Variants in CPQ observed in about 807,000 individuals in gnomAD.
CPQ encodes the protein Ser-Met dipeptidase.
Under a neutral mutation model 45.7 loss-of-function variants are expected in CPQ, and 37 were observed. The ratio of observed to expected loss-of-function variants is 0.81; its 90% CI spans 0.62 to 1.07. The LOEUF is 1.07. Ranked by LOEUF, CPQ falls within the 50% of genes least tolerant of loss-of-function variation. The pLI, the probability that CPQ is intolerant of heterozygous loss-of-function variation, is 0.00. For missense variants in CPQ, 537 were observed against 572.9 expected, an observed-to-expected ratio of 0.94 and a Z score of 0.64; for synonymous variants, 186 against 205.8, an observed-to-expected ratio of 0.90 and a Z score of 0.82.
chr8:97,051,114 A>C (rs1188238124), intron 6 of CPQ, among the ~76,000 whole-genome samples: 1 of 152,160 alleles, frequency 6.6e-6, no homozygotes, highest in Non-Finnish European at 1.5e-5. Context: ...TAATAATAAC[A>C]CTATGAATGA....
At chr8:97,097,940 G>A (rs902955915) in intron 7 of CPQ, among the ~76,000 whole-genome samples, 7 of 152,156 alleles carry the variant, frequency 4.6e-5, no homozygotes, top group Admixed American at 6.5e-5. Context: ...AAGTGCAAGG[G>A]GAGCCAGGAA....
chr8:96,688,873 A>G (rs1012775146), intron 1 of CPQ, among the ~76,000 whole-genome samples: 1 of 152,158 alleles, frequency 6.6e-6, no homozygotes, highest in Non-Finnish European at 1.5e-5. Context: ...ATAAGTCCAG[A>G]AGTAGGATAG....
intron 4 of CPQ, among the ~76,000 whole-genome samples, chr8:96,907,738 T>G (rs1812597104): frequency 6.6e-6 from 1 of 152,090 alleles, no homozygotes; most frequent in Non-Finnish European, 1.5e-5. Flanking sequence ...CTGGGCAATG[T>G]GGATGCTGGT....
intron 2 of CPQ, among the ~76,000 whole-genome samples, chr8:96,793,950 C>T (rs759105031): frequency 4.6e-5 from 7 of 152,182 alleles, no homozygotes; most frequent in East Asian, 3.9e-4. Flanking sequence ...TGGGTTGCCA[C>T]GGTCTTGGGC....
intron 1 of CPQ, among the ~76,000 whole-genome samples, chr8:96,695,598 AAAAC>A (rs1198473947): frequency 5.3e-5 from 8 of 152,270 alleles, no homozygotes; most frequent in Non-Finnish European, 8.8e-5. Context: ...TTACAAGAAA[AAAAC>A]AAACAACCCC....
chr8:96,759,569 C>G (rs1810372253), intron 1 of CPQ, among the ~76,000 whole-genome samples: 1 of 152,082 alleles, frequency 6.6e-6, no homozygotes, highest in Admixed American at 6.6e-5. Flanking sequence ...AATTTCTATG[C>G]TGTATCTCTC....
chr8:96,893,616 A>G (rs1349331429), intron 4 of CPQ, among the ~76,000 whole-genome samples: 3 of 152,244 alleles, frequency 2.0e-5, no homozygotes, highest in Non-Finnish European at 4.4e-5. Flanking sequence ...TGAGATTCAG[A>G]GGGACAAAAT....
intron 5 of CPQ, among the ~76,000 whole-genome samples, chr8:96,989,325 G>A (rs1011959012): frequency 1.3e-5 from 2 of 151,610 alleles, no homozygotes; most frequent in Admixed American, 1.3e-4. Context: ...TCTATCAAAG[G>A]CTTGTACAGA....
intron 1 of CPQ, among the ~76,000 whole-genome samples, chr8:96,765,064 T>TA (rs1810449989): frequency 6.6e-6 from 1 of 152,364 alleles, no homozygotes; most frequent in Non-Finnish European, 1.5e-5. Context: ...GAAGCAGATT[T>TA]ACTGCAGTCT....
At position 97,000,637 on chromosome 8, in the gene CPQ, C is replaced by G. The variant is rs959650990; in HGVS notation, c.962-28766C>G. 2.0e-5 allele frequency among the ~76,000 whole-genome samples: 3 copies of G among 152,214 alleles called. No individual in the cohort carries two copies. The East Asian group carries it at 5.8e-4, about 29-fold the overall frequency. ...TACCAGTACCATGCTGTTTTGGTTA[C>G]TGTAGCCTGTAGCATAGTTTGAAGT... On this transcript the variant is annotated intron_variant, in intron 5 of 7. Transcript: ENST00000220763.
At chr8:96,690,968 T>C (rs2130737019) in intron 1 of CPQ, among the ~76,000 whole-genome samples, 1 of 152,348 alleles carries the variant, frequency 6.6e-6, no homozygotes, top group South Asian at 2.1e-4. Flanking sequence ...TTTAGGAATA[T>C]AAGTTTTTCC....
intron 7 of CPQ, among the ~76,000 whole-genome samples, chr8:97,078,279 A>G (rs1172744949): frequency 6.6e-6 from 1 of 152,174 alleles, no homozygotes; most frequent in Non-Finnish European, 1.5e-5. Context: ...ATCTGAAATC[A>G]GCTATCTCTT....
intron 1 of CPQ, among the ~76,000 whole-genome samples, chr8:96,736,746 G>A (rs958715165): frequency 6.6e-6 from 1 of 152,114 alleles, no homozygotes; most frequent in African/African-American, 2.4e-5. Context: ...CTACTACTTG[G>A]TTATTATAGA....
At chr8:97,122,063 A>G (rs1811712662) in intron 7 of CPQ, among the ~76,000 whole-genome samples, 1 of 152,166 alleles carries the variant, frequency 6.6e-6, no homozygotes, top group Non-Finnish European at 1.5e-5. Flanking sequence ...GACAACATCA[A>G]GCAGACTAAC....
intron 5 of CPQ, among the ~76,000 whole-genome samples, chr8:96,996,567 G>C (rs1809182041): frequency 6.6e-6 from 1 of 151,976 alleles, no homozygotes; most frequent in African/African-American, 2.4e-5. Context: ...AATTTAGTTT[G>C]ATCTTACGAG....
rs187370396 is a variant in CPQ, at chr8:96,863,974, G to A, written c.642-15824G>A. ...AAATTAGATCTGACATATTTTAATG[G>A]TATGTATAATTATTATTGGTCTTTG... On this transcript the variant is annotated intron_variant, in intron 3 of 7. Transcript: ENST00000220763. 3.9e-5 allele frequency among the ~76,000 whole-genome samples: 6 copies of A among 152,144 alleles called. No individual in the cohort carries two copies. The East Asian group carries it at 1.2e-3, about 30-fold the overall frequency.
At chr8:96,866,463 C>G (rs367818439) in intron 3 of CPQ, among the ~76,000 whole-genome samples, 78 of 152,018 alleles carry the variant, frequency 5.1e-4, no homozygotes, top group African/African-American at 1.9e-3. Context: ...AAAATTATGT[C>G]TATTTTGCTA....
At chr8:97,035,553 A>AT (rs559364319) in intron 6 of CPQ, among the ~76,000 whole-genome samples, 159 of 152,182 alleles carry the variant, frequency 1.0e-3, no homozygotes, top group African/African-American at 3.7e-3. Flanking sequence ...ATTTTTAGCC[A>AT]TTCTTATAGG....
chr8:97,015,592 T>C (rs183570457), intron 5 of CPQ, among the ~76,000 whole-genome samples: 46 of 152,252 alleles, frequency 3.0e-4, no homozygotes, highest in South Asian at 8.3e-4. Flanking sequence ...GAAGATAAGA[T>C]TTTAAAGTTC....
Sources: gnomAD v4.1 joint callset for allele counts (sites outside exome capture counted in the v4.1 genomes callset) on GRCh38, gnomAD v4.1.1 for gene constraint, MANE v1.5 for transcripts, NCBI Gene and HGNC (gene_info 2026-07-23, HGNC 2026-07-21) for gene names.